The following ADARB2 variants were observed in gnomAD, a reference collection of about 807,000 sequenced individuals.
ADARB2 encodes the protein adenosine deaminase RNA specific B2 (inactive).
In ADARB2, 25 loss-of-function variants were observed where a neutral mutation model predicts 62.2. The observed-to-expected ratio is 0.40, with a 90% CI of 0.29 to 0.56. The LOEUF (loss-of-function observed/expected upper bound fraction) is 0.56, where lower values mean the gene tolerates loss of function less well. Ranked by LOEUF, ADARB2 falls within the 20% of genes least tolerant of loss-of-function variation. ADARB2 has a pLI of 0.43. For missense variants in ADARB2, 1,071 were observed against 1,077.4 expected (o/e 0.99, Z 0.08); for synonymous variants, 572 against 500.8 (o/e 1.14, Z -1.90).
intron 3 of ADARB2, among the ~76,000 whole-genome samples, chr10:1,276,262 G>A (rs1463216865): frequency 2.0e-5 from 3 of 152,192 alleles, no homozygotes; most frequent in African/African-American, 7.2e-5. Context: ...AGCCAGTGAT[G>A]ATGAGCATTT....
chr10:1,590,382 TC>T (rs1833236142), intron 1 of ADARB2, among the ~76,000 whole-genome samples: 1 of 152,212 alleles, frequency 6.6e-6, no homozygotes, highest in African/African-American at 2.4e-5. Context: ...CGTTGCTGGT[TC>T]TAATGTGAAT....
intron 1 of ADARB2, among the ~76,000 whole-genome samples, chr10:1,627,916 G>A (rs1036413777): frequency 6.6e-6 from 1 of 152,222 alleles, no homozygotes; most frequent in African/African-American, 2.4e-5. Context: ...CCATGGAGAA[G>A]GTGTGACTCC....
intron 7 of ADARB2, among the ~76,000 whole-genome samples, chr10:1,215,245 C>T (rs1215979872): frequency 6.6e-6 from 1 of 152,210 alleles, no homozygotes; most frequent in Non-Finnish European, 1.5e-5. Context: ...CTGTCCCATG[C>T]AGGCACTGCC....
chr10:1,200,838 G>T (rs1434200759), intron 7 of ADARB2, among the ~76,000 whole-genome samples: 1 of 152,124 alleles, frequency 6.6e-6, no homozygotes, highest in Non-Finnish European at 1.5e-5. Flanking sequence ...TAAATAATGT[G>T]CTTAAAATCC....
At chr10:1,219,691 A>G (rs1830664852) in intron 6 of ADARB2, among the ~76,000 whole-genome samples, 1 of 151,628 alleles carries the variant, frequency 6.6e-6, no homozygotes, top group South Asian at 2.1e-4. Flanking sequence ...GATGGTGATA[A>G]TGGAGGTAAT....
chr10:1,296,486 A>G (rs1215463092), intron 3 of ADARB2, among the ~76,000 whole-genome samples: 1 of 152,178 alleles, frequency 6.6e-6, no homozygotes, highest in African/African-American at 2.4e-5. Flanking sequence ...CAACTGCCAC[A>G]TTGAGACACC....
At chr10:1,334,158 C>A (rs11250426) in intron 3 of ADARB2, among the ~76,000 whole-genome samples, 3 of 152,096 alleles carry the variant, frequency 2.0e-5, no homozygotes, top group African/African-American at 7.2e-5. Flanking sequence ...CCTGGAGCAG[C>A]GGTACGGCGG....
intron 1 of ADARB2, among the ~76,000 whole-genome samples, chr10:1,693,614 A>G (rs987896422): frequency 1.3e-5 from 2 of 152,200 alleles, no homozygotes; most frequent in African/African-American, 4.8e-5. Flanking sequence ...AAATTCTTAT[A>G]AAGGATACTG....
chr10:1,206,485 G>A (rs1327641948), intron 7 of ADARB2, among the ~76,000 whole-genome samples: 2 of 151,396 alleles, frequency 1.3e-5, no homozygotes, highest in South Asian at 4.2e-4. Flanking sequence ...AGAGAACTGC[G>A]GGGTCTCCTC....
At chr10:1,715,946 A>G (rs1406645607) in intron 1 of ADARB2, among the ~76,000 whole-genome samples, 2 of 152,150 alleles carry the variant, frequency 1.3e-5, no homozygotes, top group Non-Finnish European at 2.9e-5. Flanking sequence ...TTCTCGCCCG[A>G]CTGCTAACTT....
chr10:1,447,376 C>T (rs1284132840), intron 1 of ADARB2, among the ~76,000 whole-genome samples: 1 of 152,124 alleles, frequency 6.6e-6, no homozygotes, highest in East Asian at 1.9e-4. Flanking sequence ...AAGTTATTTT[C>T]CCCTGTGGCT....
At chr10:1,451,546 A>G (rs150092299) in intron 1 of ADARB2, among the ~76,000 whole-genome samples, 1 of 147,682 alleles carries the variant, frequency 6.8e-6, no homozygotes, top group African/African-American at 2.6e-5. Context: ...ACCTGTTTGA[A>G]GAGGGGACAC....
chr10:1,600,530 T>C (rs1409991470), intron 1 of ADARB2, among the ~76,000 whole-genome samples: 2 of 151,834 alleles, frequency 1.3e-5, no homozygotes, highest in South Asian at 2.1e-4. Flanking sequence ...GGCGTGGTGG[T>C]GCGCCCCTGT....
chr10:1,192,689 C>T (rs761899729), intron 8 of ADARB2, among the ~76,000 whole-genome samples: 15 of 152,192 alleles, frequency 9.9e-5, no homozygotes, highest in Admixed American at 1.3e-4. Flanking sequence ...CGGTGGCTTA[C>T]GCCTGTAATC....
chr10:1,615,002 A>G (rs1034930091), intron 1 of ADARB2, among the ~76,000 whole-genome samples: 2 of 151,990 alleles, frequency 1.3e-5, no homozygotes, highest in Admixed American at 6.6e-5. Context: ...ATTGTTGGGG[A>G]GGAGCTCATG....
intron 1 of ADARB2, among the ~76,000 whole-genome samples, chr10:1,580,759 C>CCATG (rs1206832808): frequency 1.3e-5 from 2 of 152,182 alleles, no homozygotes; most frequent in African/African-American, 4.8e-5. Flanking sequence ...TCCTTCTGTT[C>CCATG]CTCCCTCCTT....
intron 7 of ADARB2, 25 bp downstream of exon 7, chr10:1,216,926 C>T (rs778583596): frequency 6.3e-7 from 1 of 1,588,468 alleles, no homozygotes; most frequent in Admixed American, 1.7e-5. Context: ...AGCCAACATC[C>T]TCGAGAGGAA....
intron 1 of ADARB2, among the ~76,000 whole-genome samples, chr10:1,682,439 G>T (rs1018646518): frequency 6.6e-6 from 1 of 152,216 alleles, no homozygotes; most frequent in African/African-American, 2.4e-5. Flanking sequence ...TCCCCTGAAA[G>T]TCGGTCTTAG....
intron 1 of ADARB2, among the ~76,000 whole-genome samples, chr10:1,431,135 C>T (rs1380205279): frequency 2.1e-5 from 3 of 139,988 alleles, no homozygotes; most frequent in Non-Finnish European, 4.5e-5. Context: ...ATAGAATACA[C>T]ATATTTTTCA....
Sources: gnomAD v4.1 joint callset for allele counts (sites outside exome capture counted in the v4.1 genomes callset) on GRCh38, gnomAD v4.1.1 for gene constraint, MANE v1.5 for transcripts, NCBI Gene and HGNC (gene_info 2026-07-23, HGNC 2026-07-21) for gene names.